CCPG1: variants seen among roughly 807,000 people sequenced by gnomAD.
The protein encoded by CCPG1 is cell cycle progression 1.
A neutral mutation model predicts 81.3 loss-of-function variants in CCPG1; 46 were observed. The observed-to-expected ratio is 0.57, with a 90% CI of 0.45 to 0.72. The LOEUF (loss-of-function observed/expected upper bound fraction) is 0.72. Among genes scored for constraint, CCPG1 ranks in the 30% least tolerant of loss-of-function variants. The pLI is 0.00. For synonymous variants in CCPG1, 330 were observed against 305.2 expected (o/e 1.08, Z -0.85); for missense variants, 902 against 937.6 (o/e 0.96, Z 0.50).
intron 3 of CCPG1, among the ~76,000 whole-genome samples, chr15:55,379,621 C>T (rs1244289776): frequency 6.6e-6 from 1 of 151,908 alleles, no homozygotes; most frequent in Non-Finnish European, 1.5e-5. Flanking sequence ...CACTTAAAGC[C>T]AGGAGTTCAA....
intron 3 of CCPG1, among the ~76,000 whole-genome samples, chr15:55,381,946 G>C (rs61069460): frequency 1.4e-4 from 21 of 152,054 alleles, no homozygotes; most frequent in Admixed American, 1.2e-3. Flanking sequence ...GTAAAAGTTA[G>C]GTTTACACTA....
chr15:55,368,309 C>T (rs1453814863), intron 6 of CCPG1, among the ~76,000 whole-genome samples: 2 of 152,168 alleles, frequency 1.3e-5, no homozygotes, highest in Non-Finnish European at 2.9e-5. Context: ...CCCAAGATTA[C>T]GTCTTCCTCA....
intron 3 of CCPG1, among the ~76,000 whole-genome samples, chr15:55,379,117 C>T (rs1011315373): frequency 3.3e-5 from 5 of 149,546 alleles, no homozygotes; most frequent in Admixed American, 3.3e-4. Context: ...GAATAAAAAC[C>T]GTGGCTTCAA....
chr15:55,356,148 A>C lies in CCPG1; in HGVS notation c.*72T>G. The C allele has an allele frequency of 9.4e-7, 1 of 1,063,604 alleles. No individual in the cohort carries two copies. The highest frequency in any genetic ancestry group is 1.3e-6 in the Non-Finnish European group (1 of 751,874). The allele number at this position is 1,063,604 out of a possible 1,614,324, so 65.9% of individuals were successfully genotyped here. A position where few individuals can be genotyped will look rare whatever the true frequency, so the allele number is the denominator to read the frequency against. ...ACATTGTCATCTTGGTAATTTCATT[A>C]GTTTCAATACCAAACATTATACAAA... On this transcript the variant is annotated 3_prime_UTR_variant, in exon 9 of 9. Transcript: ENST00000442196.
In CCPG1 at chr15:55,355,397, T is replaced by A. The variant is rs374303086; in HGVS notation, c.*823A>T. On this transcript the variant is annotated 3_prime_UTR_variant, in exon 9 of 9. Coordinates refer to ENST00000442196, the MANE Select transcript of CCPG1 (RefSeq NM_001204450.2). ...TCACATATATGTCTATGAACGGAAGTTAAAAGGGAAATTCAACATGAAGAT... is the reference window on the plus strand; with the variant it reads ...TCACATATATGTCTATGAACGGAAGATAAAAGGGAAATTCAACATGAAGAT... 3.4e-5 allele frequency: 55 copies of A among 1,608,882 alleles called. 2 individuals are homozygous for A. In the South Asian group the frequency reaches 5.8e-4, roughly 17 times the overall value.
chr15:55,365,335 T>C (rs1444613969), intron 6 of CCPG1, 26 bp from the exon 7 acceptor site: 1 of 1,358,980 alleles, frequency 7.4e-7, no homozygotes, highest in Non-Finnish European at 1.0e-6. Flanking sequence ...TTATTAAAGG[T>C]ATGTAACAAA....
chr15:55,400,656 T>C (rs766880636), intron 1 of CCPG1, among the ~76,000 whole-genome samples: 8 of 152,230 alleles, frequency 5.3e-5, no homozygotes, highest in Non-Finnish European at 1.0e-4. Flanking sequence ...CATATGAAAG[T>C]ACCTATTTCT....
chr15:55,402,275 G>A (rs543111878), intron 1 of CCPG1, among the ~76,000 whole-genome samples: 3 of 152,074 alleles, frequency 2.0e-5, no homozygotes, highest in South Asian at 4.2e-4. Flanking sequence ...TCACCCAGGC[G>A]GGAGTACAGT....
chr15:55,385,327 G>A (rs1372561290), intron 3 of CCPG1, among the ~76,000 whole-genome samples: 2 of 152,148 alleles, frequency 1.3e-5, no homozygotes, highest in South Asian at 2.1e-4. Context: ...CAATACACCC[G>A]GCTAATTTTT....
At chr15:55,399,329 T>TA in intron 1 of CCPG1, among the ~76,000 whole-genome samples, 1 of 142,974 alleles carries the variant, frequency 7.0e-6, no homozygotes, top group South Asian at 2.2e-4. Context: ...TAAGCTAAGC[T>TA]AAATATTAAA....
At chr15:55,374,396 A>T (rs775923852) in intron 5 of CCPG1, 31 of 414,266 alleles carry the variant, frequency 7.5e-5, no homozygotes, top group Non-Finnish European at 1.3e-4. Flanking sequence ...TCTTAAAAAC[A>T]CACAATACAA....
At chr15:55,369,985 A>G (rs2056413513) in intron 6 of CCPG1, among the ~76,000 whole-genome samples, 1 of 150,336 alleles carries the variant, frequency 6.7e-6, no homozygotes, top group Admixed American at 6.6e-5. Flanking sequence ...TGATTGTTTC[A>G]GCTAGATAGT....
intron 1 of CCPG1, among the ~76,000 whole-genome samples, chr15:55,404,441 C>A (rs2057179368): frequency 6.6e-6 from 1 of 152,120 alleles, no homozygotes; most frequent in African/African-American, 2.4e-5. Context: ...ATACTACTTA[C>A]CAGTCCATAT....
At position 55,386,710 on chromosome 15, in the gene CCPG1, C is replaced by T. The variant is rs555669268; in HGVS notation, c.61-996G>A. On this transcript the variant is annotated intron_variant, in intron 2 of 8. Coordinates refer to ENST00000442196, the MANE Select transcript of CCPG1 (RefSeq NM_001204450.2). ...GAGATCGAGACCATCCTGGCTAACACGGTGAAACCCCATCTCTACTAAAAA... is the reference window on the plus strand; with the variant it reads ...GAGATCGAGACCATCCTGGCTAACATGGTGAAACCCCATCTCTACTAAAAA... Among the ~76,000 whole-genome samples, 68 of 151,514 alleles carry T rather than the reference C, an allele frequency of 4.5e-4. 1 individual carries two copies. In the East Asian group the frequency reaches 0.012, roughly 27 times the overall value.
intron 6 of CCPG1, 110 bp from the exon 7 acceptor site, chr15:55,365,419 G>GTTTT (rs111247245): frequency 6.3e-6 from 3 of 478,410 alleles, no homozygotes; most frequent in South Asian, 2.7e-5. Context: ...TCTTTTTTTT[G>GTTTT]TTTTTTTTTT....
chr15:55,394,256 G>C (rs1244172607), intron 1 of CCPG1, among the ~76,000 whole-genome samples: 1 of 152,158 alleles, frequency 6.6e-6, no homozygotes, highest in Non-Finnish European at 1.5e-5. Flanking sequence ...AAAGTGCTGG[G>C]ATTACAGGTG....
intron 3 of CCPG1, among the ~76,000 whole-genome samples, chr15:55,380,365 G>A (rs1364327816): frequency 6.7e-6 from 1 of 150,234 alleles, no homozygotes; most frequent in Non-Finnish European, 1.5e-5. Context: ...GCGCCGTCTC[G>A]GCTCACTGCA....
chr15:55,383,653 C>A (rs939799466), intron 3 of CCPG1, among the ~76,000 whole-genome samples: 1 of 152,224 alleles, frequency 6.6e-6, no homozygotes, highest in African/African-American at 2.4e-5. Context: ...CTTGGTGCGC[C>A]TTCTACATCA....
intron 5 of CCPG1, chr15:55,372,889 C>T: frequency 1.9e-6 from 1 of 518,316 alleles, no homozygotes; most frequent in South Asian, 1.5e-5. Context: ...CTAATTAGCC[C>T]ATGATCAAGG....
Sources: allele counts gnomAD v4.1 joint callset (sites outside exome capture counted in the v4.1 genomes callset), GRCh38; gene constraint gnomAD v4.1.1; transcripts MANE v1.5; gene names NCBI Gene and HGNC (gene_info 2026-07-23, HGNC 2026-07-21).